GALNT13: variants seen among roughly 807,000 people sequenced by gnomAD.
GALNT13 encodes the protein polypeptide N-acetylgalactosaminyltransferase 13.
GALNT13 carries 28 observed loss-of-function variants against 64.2 expected under a neutral mutation model. The observed-to-expected ratio is 0.44, with a 90% CI of 0.32 to 0.60. GALNT13 has a LOEUF of 0.60. GALNT13 is among the 20% of genes least tolerant of loss of function. The probability of loss-of-function intolerance (pLI) is 0.05; values close to 1 mark genes in which losing one functional copy is unlikely to be tolerated. For synonymous variants in GALNT13, 214 were observed against 224.6 expected, an observed-to-expected ratio of 0.95 and a Z score of 0.42; for missense variants, 577 against 669.8, an observed-to-expected ratio of 0.86 and a Z score of 1.53.
chr2:154,403,893 G>A (rs528569134), intron 10 of GALNT13, among the ~76,000 whole-genome samples: 14 of 152,152 alleles, frequency 9.2e-5, no homozygotes, highest in East Asian at 1.9e-4. Context: ...ATACCTTTAC[G>A]TTTTGTTTTG....
chr2:153,862,786 T>C, the GALNT13 span, among the ~76,000 whole-genome samples: 2 of 152,186 alleles, frequency 1.3e-5, no homozygotes, highest in East Asian at 3.9e-4. Context: ...TCTGAATTAA[T>C]GGACTGTTAC....
rs1559075622 is a variant in GALNT13 at position 154,298,599 on chromosome 2, A to ATTTATATATACAT, written c.976-2809_976-2808insTTATATATACATT. ...ATTGTATATATAATTTATATATACA[A>ATTTATATATACAT]TGTATATATTAATTTATATATACAT... On this transcript the variant is annotated intron_variant, in intron 8 of 12. Transcript: ENST00000392825. 1.1e-3 allele frequency among the ~76,000 whole-genome samples: 32 copies of ATTTATATATACAT among 28,354 alleles called. 5 individuals carry two copies. The highest frequency in any genetic ancestry group is 3.7e-3 in the East Asian group (4 of 1,068). The allele number at this position is 28,354 out of a possible 152,430, so 18.6% of individuals were successfully genotyped here. A position where few individuals can be genotyped will look rare whatever the true frequency, so the allele number is the denominator to read the frequency against.
the GALNT13 span, among the ~76,000 whole-genome samples, chr2:153,650,744 A>C: frequency 6.6e-6 from 1 of 152,180 alleles, no homozygotes; most frequent in Non-Finnish European, 1.5e-5. Flanking sequence ...TGGATATGAA[A>C]TTCTGGGTTA....
chr2:153,647,106 C>T, the GALNT13 span, among the ~76,000 whole-genome samples: 1 of 152,124 alleles, frequency 6.6e-6, no homozygotes, highest in Non-Finnish European at 1.5e-5. Context: ...CCTATTTCTC[C>T]ACATCCTCTC....
chr2:153,729,146 A>G, the GALNT13 span, among the ~76,000 whole-genome samples: 4 of 152,230 alleles, frequency 2.6e-5, no homozygotes, highest in South Asian at 2.1e-4. Context: ...CCAATATCAT[A>G]CTGAATGGGC....
chr2:154,312,610 T>A (rs915442119), intron 9 of GALNT13, among the ~76,000 whole-genome samples: 4 of 152,226 alleles, frequency 2.6e-5, no homozygotes, highest in Admixed American at 6.5e-5. Flanking sequence ...AGAATTTAAC[T>A]GTTGAAGTAA....
chr2:154,133,580 A>ATATATC (rs1682772436), intron 3 of GALNT13, among the ~76,000 whole-genome samples: 3 of 123,576 alleles, frequency 2.4e-5, no homozygotes, highest in African/African-American at 1.0e-4. Context: ...ATATATATAT[A>ATATATC]TATATCTGAG....
chr2:153,831,311 G>A, the GALNT13 span, among the ~76,000 whole-genome samples: 4 of 152,116 alleles, frequency 2.6e-5, no homozygotes, highest in South Asian at 2.1e-4. Flanking sequence ...GTAGGGCTCT[G>A]AAAACTACAT....
At chr2:153,507,334 T>C in the GALNT13 span, among the ~76,000 whole-genome samples, 1 of 152,052 alleles carries the variant, frequency 6.6e-6, no homozygotes, top group Non-Finnish European at 1.5e-5. Flanking sequence ...CAGGCTGGAG[T>C]GCAGTGTGCT....
chr2:154,412,611 T>C (rs1699843292), intron 11 of GALNT13, among the ~76,000 whole-genome samples: 1 of 151,824 alleles, frequency 6.6e-6, no homozygotes, highest in South Asian at 2.1e-4. Flanking sequence ...GGAGTTTTGA[T>C]AGTTTAGGGG....
chr2:153,481,466 C>T, the GALNT13 span, among the ~76,000 whole-genome samples: 1 of 152,130 alleles, frequency 6.6e-6, no homozygotes, highest in Non-Finnish European at 1.5e-5. Flanking sequence ...CATTGAAAAA[C>T]TTAATTTCCA....
intron 3 of GALNT13, among the ~76,000 whole-genome samples, chr2:153,991,900 C>G (rs1019349951): frequency 1.1e-4 from 17 of 151,934 alleles, no homozygotes; most frequent in African/African-American, 4.1e-4. Flanking sequence ...GATGATCACT[C>G]CTATTTTACT....
chr2:154,320,007 C>CAT (rs776547849), intron 9 of GALNT13, among the ~76,000 whole-genome samples: 17 of 151,960 alleles, frequency 1.1e-4, no homozygotes, highest in African/African-American at 4.1e-4. Context: ...GTATATTATG[C>CAT]ATATATATAT....
the GALNT13 span, among the ~76,000 whole-genome samples, chr2:153,750,884 G>C: frequency 0.27 from 40,235 of 151,310 alleles, 5,798 homozygotes; most frequent in Admixed American, 0.35. Flanking sequence ...TTTTATAGTT[G>C]TTTAAGGTTT....
intron 10 of GALNT13, among the ~76,000 whole-genome samples, chr2:154,396,444 T>TAA (rs1311940173): frequency 6.6e-5 from 10 of 152,150 alleles, no homozygotes; most frequent in African/African-American, 2.4e-4. Context: ...TTATTAATAT[T>TAA]TACTGTATTT....
At chr2:153,650,288 C>G in the GALNT13 span, among the ~76,000 whole-genome samples, 1 of 151,946 alleles carries the variant, frequency 6.6e-6, no homozygotes, top group Non-Finnish European at 1.5e-5. Context: ...GATTGCAACC[C>G]CTGCCTTTTT....
intron 4 of GALNT13, among the ~76,000 whole-genome samples, chr2:154,173,765 C>T (rs1559004694): frequency 6.6e-6 from 1 of 151,990 alleles, no homozygotes; most frequent in Non-Finnish European, 1.5e-5. Context: ...ACAAAAGGCC[C>T]TCAAGTATAT....
chr2:154,277,756 A>G (rs1044448057), intron 8 of GALNT13, among the ~76,000 whole-genome samples: 22 of 152,320 alleles, frequency 1.4e-4, no homozygotes, highest in African/African-American at 5.3e-4. Flanking sequence ...CTTAAAAATT[A>G]TATTCAACCA....
chr2:153,938,222 T>C (rs973387202), intron 2 of GALNT13, among the ~76,000 whole-genome samples: 2 of 152,124 alleles, frequency 1.3e-5, no homozygotes, highest in Non-Finnish European at 2.9e-5. Flanking sequence ...GTTGGACTTG[T>C]AGAATTTGGT....
Sources: gnomAD v4.1 joint callset for allele counts (sites outside exome capture counted in the v4.1 genomes callset) on GRCh38, gnomAD v4.1.1 for gene constraint, MANE v1.5 for transcripts, NCBI Gene and HGNC (gene_info 2026-07-23, HGNC 2026-07-21) for gene names.